HIPK2: variants seen among roughly 807,000 people sequenced by gnomAD.
The protein encoded by HIPK2 is homeodomain-interacting protein kinase 2.
In HIPK2, 27 loss-of-function variants were observed where a neutral mutation model predicts 113.7. The observed-to-expected ratio is 0.24, with a 90% CI of 0.17 to 0.33. The LOEUF (loss-of-function observed/expected upper bound fraction) is 0.33. Among genes scored for constraint, HIPK2 ranks in the 10% least tolerant of loss-of-function variants. The pLI is 1.00. For synonymous variants in HIPK2, 631 were observed against 642.2 expected, an observed-to-expected ratio of 0.98 and a Z score of 0.26; for missense variants, 1,257 against 1,588.0, an observed-to-expected ratio of 0.79 and a Z score of 3.54.
chr7:139,759,232 T>C (rs535540769), intron 1 of HIPK2, among the ~76,000 whole-genome samples: 1 of 152,318 alleles, frequency 6.6e-6, no homozygotes, highest in South Asian at 2.1e-4. Context: ...ATTAAAGCTA[T>C]AACAAAATAC....
At chr7:139,734,473 G>A (rs892678099) in intron 1 of HIPK2, among the ~76,000 whole-genome samples, 1 of 152,188 alleles carries the variant, frequency 6.6e-6, no homozygotes, top group African/African-American at 2.4e-5. Context: ...TGCCCCCATG[G>A]GAGAATCAGC....
At chr7:139,586,351 T>G (rs920324454) in intron 12 of HIPK2, among the ~76,000 whole-genome samples, 1 of 152,234 alleles carries the variant, frequency 6.6e-6, no homozygotes, top group African/African-American at 2.4e-5. Context: ...CAGATACATG[T>G]AAGCCAATGT....
At chr7:139,676,416 C>G (rs1397390448) in intron 2 of HIPK2, among the ~76,000 whole-genome samples, 2 of 152,218 alleles carry the variant, frequency 1.3e-5, no homozygotes, top group Non-Finnish European at 2.9e-5. Flanking sequence ...GAGCCCTACA[C>G]TTTCCTCTGC....
intron 1 of HIPK2, among the ~76,000 whole-genome samples, chr7:139,758,518 C>G (rs1483991849): frequency 6.6e-6 from 1 of 152,186 alleles, no homozygotes; most frequent in Non-Finnish European, 1.5e-5. Flanking sequence ...AGTACCAGTT[C>G]TGGCCTGTTA....
At chr7:139,700,211 G>A (rs1339328432) in intron 2 of HIPK2, among the ~76,000 whole-genome samples, 2 of 152,090 alleles carry the variant, frequency 1.3e-5, no homozygotes, top group African/African-American at 2.4e-5. Context: ...AGAGGAGCTG[G>A]GGGTTTCCTG....
chr7:139,631,339 T>A lies in HIPK2; in HGVS notation c.1228-55A>T. 1 of 1,560,262 alleles carries A rather than the reference T, an allele frequency of 6.4e-7. No homozygotes were observed. Among genetic ancestry groups the A allele is most frequent in the Non-Finnish European group, 8.7e-7 (1 of 1,151,218 alleles). ...GCTTTTCCTGTCACTATACATATGG[T>A]ATACTAATGGCTCTGCTGGCTTTGA... is the stretch of plus-strand genomic sequence containing the variant. On this transcript the variant is annotated intron_variant, in intron 3 of 14. Coordinates refer to ENST00000406875, the MANE Select transcript of HIPK2 (RefSeq NM_022740.5). This position sits in a 1 kb window ranked among gnomAD's most constrained non-coding sequence, Gnocchi z 4.9.
intron 1 of HIPK2, among the ~76,000 whole-genome samples, chr7:139,730,837 T>G (rs554589900): frequency 6.6e-6 from 1 of 152,224 alleles, no homozygotes; most frequent in South Asian, 2.1e-4. Flanking sequence ...CCCATATGAC[T>G]GGTGTCCTTG....
chr7:139,696,600 A>G (rs1794575751), intron 2 of HIPK2, among the ~76,000 whole-genome samples: 2 of 152,052 alleles, frequency 1.3e-5, no homozygotes, highest in African/African-American at 4.8e-5. Context: ...AAAAGGTAGA[A>G]AAAGAAAAAT....
chr7:139,693,714 T>C (rs1013373826), intron 2 of HIPK2, among the ~76,000 whole-genome samples: 1 of 139,058 alleles, frequency 7.2e-6, no homozygotes, highest in African/African-American at 2.6e-5. Context: ...TGTTAAATTT[T>C]TGTCCAGAAA....
Position 139,716,701 on chromosome 7 carries a change from G to A in HIPK2, c.334C>T (p.His112Tyr). 1.9e-6 allele frequency: 3 copies of A among 1,613,936 alleles called. No homozygotes were observed. The highest frequency in any genetic ancestry group is 1.1e-5 in the South Asian group (1 of 91,070). ...ACAGTGCTTCGACGCATTAGGTTGT[G>A]TGGTCCGCCGAGGACTTGCCCGGTG... ...SVTGQVLGGPHNLMRRSTVSL... is the reference protein window; with the variant it reads ...SVTGQVLGGPYNLMRRSTVSL... The change falls in exon 2 of 15, where the codon CAC becomes TAC. Residue 112 changes from histidine (H) to tyrosine (Y), a missense_variant. Physicochemically the swap from His to Tyr is moderately conservative, Grantham distance 83. This residue lies in a region of HIPK2 where 209 missense variants were observed against 237.8 expected (regional missense o/e 0.88). Coordinates refer to ENST00000406875, the MANE Select transcript of HIPK2 (RefSeq NM_022740.5). This position sits in a 1 kb window ranked among gnomAD's most constrained non-coding sequence, Gnocchi z 9.3.
At chr7:139,756,179 T>C (rs1294975634) in intron 1 of HIPK2, among the ~76,000 whole-genome samples, 1 of 152,174 alleles carries the variant, frequency 6.6e-6, no homozygotes, top group Non-Finnish European at 1.5e-5. Context: ...TGGGGCAATA[T>C]AAAAATCCAA....
At chr7:139,715,270 T>G (rs1795190916) in intron 2 of HIPK2, among the ~76,000 whole-genome samples, 1 of 152,116 alleles carries the variant, frequency 6.6e-6, no homozygotes, top group African/African-American at 2.4e-5. Context: ...CATTCCTCCC[T>G]CATCCTGACC....
At chr7:139,651,862 T>C (rs564592041) in intron 2 of HIPK2, among the ~76,000 whole-genome samples, 1 of 152,292 alleles carries the variant, frequency 6.6e-6, no homozygotes, top group South Asian at 2.1e-4. Context: ...TTCTGCAATG[T>C]TTGTTTATGG....
At position 139,631,657 on chromosome 7, in the gene HIPK2, A is replaced by T. The variant is rs748110718; in HGVS notation, c.1172T>A (p.Ile391Asn). ...CGGCCAACCCAGGAACAATTCTGCA[A>T]TAACACAGCCCAGGGACCACATGTC... The part of the protein sequence containing the change: ...AIDMWSLGCV[I>N]AELFLGWPLY... The change falls in exon 3 of 15, where the codon ATT becomes AAT. Residue 391 changes from isoleucine to asparagine, a missense_variant. Physicochemically the swap from Ile to Asn is moderately radical, Grantham distance 149. Coordinates refer to ENST00000406875, the MANE Select transcript of HIPK2 (RefSeq NM_022740.5). The surrounding 1 kb of genome is among the most constrained non-coding windows in gnomAD (Gnocchi z 4.9). The T allele has an allele frequency of 1.2e-6, 2 of 1,613,962 alleles. No individual in the cohort carries two copies. Among genetic ancestry groups the T allele is most frequent in the African/African-American group, 2.7e-5 (2 of 74,942 alleles).
chr7:139,705,143 G>C (rs139136320), intron 2 of HIPK2, among the ~76,000 whole-genome samples: 3,631 of 152,292 alleles, frequency 0.024, 131 homozygotes, highest in African/African-American at 0.083. Context: ...GGAATACTGG[G>C]GATGCCCAGC....
At chr7:139,748,487 G>T (rs115902023) in intron 1 of HIPK2, among the ~76,000 whole-genome samples, 201 of 152,066 alleles carry the variant, frequency 1.3e-3, no homozygotes, top group African/African-American at 4.6e-3. Flanking sequence ...GAGGGACGGT[G>T]TGTTCCATGC....
chr7:139,701,896 G>C (rs1343271184), intron 2 of HIPK2, among the ~76,000 whole-genome samples: 1 of 152,192 alleles, frequency 6.6e-6, no homozygotes, highest in African/African-American at 2.4e-5. Context: ...GGAACGGACG[G>C]TGAGCAGGTC....
In HIPK2 at chr7:139,683,869, G is replaced by A. The variant is rs534555247; in HGVS notation, c.1103+32063C>T. Among the ~76,000 whole-genome samples the A allele has an allele frequency of 6.6e-6, 1 of 152,088 alleles. No individual in the cohort carries two copies. The highest frequency in any genetic ancestry group is 1.5e-5 in the Non-Finnish European group (1 of 68,022). Reference sequence around the variant, plus strand: ...TAGAAAATAGTTTTAAACACTGAATGGGCTTGGAATTTGGGGAGGGGCATA... The same window carrying A: ...TAGAAAATAGTTTTAAACACTGAATAGGCTTGGAATTTGGGGAGGGGCATA... On this transcript the variant is annotated intron_variant, in intron 2 of 14. Coordinates refer to ENST00000406875, the MANE Select transcript of HIPK2 (RefSeq NM_022740.5). This position sits in a 1 kb window ranked among gnomAD's most constrained non-coding sequence, Gnocchi z 4.2.
At chr7:139,633,461 A>C (rs1207878891) in intron 2 of HIPK2, among the ~76,000 whole-genome samples, 1 of 152,198 alleles carries the variant, frequency 6.6e-6, no homozygotes, top group Non-Finnish European at 1.5e-5. Context: ...TATTGAAAAG[A>C]AGAAAACAAA....
Sources: gnomAD v4.1 joint callset for allele counts (sites outside exome capture counted in the v4.1 genomes callset) on GRCh38, gnomAD v4.1.1 for gene constraint, gnomAD v4.1.1 regional missense constraint, Gnocchi (gnomAD v3.1) non-coding constraint, MANE v1.5 for transcripts, NCBI Gene and HGNC (gene_info 2026-07-23, HGNC 2026-07-21) for gene names.